The following SPATS2 variants were observed in gnomAD, a reference collection of about 807,000 sequenced individuals.
SPATS2 encodes spermatogenesis associated serine rich 2.
A neutral mutation model predicts 63.7 loss-of-function variants in SPATS2; 38 were observed. That is an observed-to-expected ratio of 0.60 (90% CI 0.46 to 0.78). The LOEUF (loss-of-function observed/expected upper bound fraction) is 0.78. Ranked by LOEUF, SPATS2 falls within the 30% of genes least tolerant of loss-of-function variation. SPATS2 has a pLI of 0.00. For missense variants in SPATS2, 588 were observed against 666.2 expected (o/e 0.88, Z 1.29); for synonymous variants, 207 against 232.9 (o/e 0.89, Z 1.01).
At chr12:49,392,943 T>G (rs1041362027) in intron 2 of SPATS2, among the ~76,000 whole-genome samples, 3 of 151,956 alleles carry the variant, frequency 2.0e-5, no homozygotes, top group African/African-American at 7.3e-5. Context: ...TCCCAGCTAC[T>G]TGGGAGGCTG....
chr12:49,461,085 TC>T, intron 3 of SPATS2, 48 bp downstream of exon 3: 1 of 1,582,104 alleles, frequency 6.3e-7, no homozygotes, highest in Non-Finnish European at 8.7e-7. Flanking sequence ...GTTATAATGA[TC>T]CCCATTTATA....
intron 2 of SPATS2, among the ~76,000 whole-genome samples, chr12:49,403,594 TACACACACACACACACACACACACAC>T (rs5798102): frequency 3.1e-5 from 4 of 128,418 alleles, no homozygotes; most frequent in East Asian, 4.5e-4. Flanking sequence ...TGCCACTGTC[TACACACACACACACACACACACACAC>T]ACACACACAC....
At chr12:49,520,503 T>C (rs770257273) in intron 11 of SPATS2, among the ~76,000 whole-genome samples, 2 of 152,158 alleles carry the variant, frequency 1.3e-5, no homozygotes, top group African/African-American at 2.4e-5. Context: ...GTTATGACTT[T>C]ATGTGCATTG....
At chr12:49,522,672 G>A in intron 11 of SPATS2, 79 bp from the exon 12 acceptor site, 1 of 1,149,144 alleles carries the variant, frequency 8.7e-7, no homozygotes, top group Non-Finnish European at 1.3e-6. Context: ...GAAAATGATT[G>A]TTTAATCTGT....
intron 2 of SPATS2, among the ~76,000 whole-genome samples, chr12:49,443,065 C>A (rs1945450788): frequency 6.6e-6 from 1 of 152,122 alleles, no homozygotes; most frequent in Non-Finnish European, 1.5e-5. Flanking sequence ...ATCCTTGTAG[C>A]ATGTGTCAGA....
At chr12:49,496,267 GTTGT>G (rs569456511) in intron 7 of SPATS2, among the ~76,000 whole-genome samples, 15 of 151,896 alleles carry the variant, frequency 9.9e-5, no homozygotes, top group Non-Finnish European at 1.3e-4. Context: ...CTAGAGCGTT[GTTGT>G]TTGTTTGTTT....
chr12:49,512,998 A>G, intron 9 of SPATS2: 1 of 1,085,668 alleles, frequency 9.2e-7, no homozygotes, highest in Non-Finnish European at 1.2e-6. Context: ...ATGTCAACCA[A>G]ATTTGTTTAG....
chr12:49,527,316 A>C lies in SPATS2; in HGVS notation c.*1061A>C, dbSNP rs567834234. ...TTTCCTGAACCCTATTCTGATCCTG[A>C]ACCAAATTTATAGCAATATAATTAG... On this transcript the variant is annotated 3_prime_UTR_variant, in exon 14 of 14. Transcript: ENST00000552918. The C allele has an allele frequency of 6.6e-6, 1 of 152,082 alleles. No homozygotes were observed. The highest frequency in any genetic ancestry group is 2.1e-4 in the South Asian group (1 of 4,814). The allele number at this position is 152,082 out of a possible 1,614,324, so 9.4% of individuals were successfully genotyped here.
intron 2 of SPATS2, among the ~76,000 whole-genome samples, chr12:49,448,329 C>T (rs1486883493): frequency 1.3e-5 from 2 of 151,446 alleles, no homozygotes; most frequent in South Asian, 2.1e-4. Flanking sequence ...TTAGTAGAAA[C>T]GGGGTTTCAC....
At chr12:49,500,032 CT>C (rs71812288) in intron 8 of SPATS2, 37 bp from the exon 9 acceptor site, 103,570 of 970,344 alleles carry the variant, frequency 0.11, 6 homozygotes, top group East Asian at 0.19. Context: ...TATAATTATT[CT>C]TTTTTTTTTT....
intron 4 of SPATS2, chr12:49,486,122 A>G: frequency 2.4e-6 from 1 of 413,626 alleles, no homozygotes; most frequent in Non-Finnish European, 4.8e-6. Flanking sequence ...GAGTACTATA[A>G]ATACTTGTAT....
intron 2 of SPATS2, among the ~76,000 whole-genome samples, chr12:49,437,055 G>A (rs972166725): frequency 1.3e-5 from 2 of 151,564 alleles, no homozygotes; most frequent in South Asian, 2.1e-4. Flanking sequence ...GGGTGGAGAC[G>A]CTCCTCACTT....
At chr12:49,412,621 C>G (rs1944816988) in intron 2 of SPATS2, among the ~76,000 whole-genome samples, 1 of 151,658 alleles carries the variant, frequency 6.6e-6, no homozygotes, top group African/African-American at 2.4e-5. Flanking sequence ...TGGCTCATTC[C>G]TGTAATCCCA....
At chr12:49,476,911 G>T (rs996313256) in intron 3 of SPATS2, among the ~76,000 whole-genome samples, 1 of 152,152 alleles carries the variant, frequency 6.6e-6, no homozygotes, top group Admixed American at 6.5e-5. Flanking sequence ...TTTGAAACCA[G>T]CCTGACCAAC....
intron 2 of SPATS2, among the ~76,000 whole-genome samples, chr12:49,381,068 TTG>T (rs1397592884): frequency 9.9e-5 from 15 of 152,260 alleles, no homozygotes; most frequent in African/African-American, 2.9e-4. Context: ...GTTGTTGTTG[TTG>T]TTTTTAATTT....
chr12:49,404,274 CTTT>C (rs56779212), intron 2 of SPATS2, among the ~76,000 whole-genome samples: 3 of 136,888 alleles, frequency 2.2e-5, no homozygotes, highest in Non-Finnish European at 3.2e-5. Context: ...GAGTTACAGA[CTTT>C]TTTTTTTTTT....
At chr12:49,510,276 A>G (rs1946729256) in intron 9 of SPATS2, among the ~76,000 whole-genome samples, 1 of 151,238 alleles carries the variant, frequency 6.6e-6, no homozygotes, top group Admixed American at 6.6e-5. Flanking sequence ...AAAAAAAAAA[A>G]ATCGTCCAGG....
intron 2 of SPATS2, among the ~76,000 whole-genome samples, chr12:49,433,130 C>G (rs1945214472): frequency 6.6e-6 from 1 of 152,080 alleles, no homozygotes; most frequent in Non-Finnish European, 1.5e-5. Flanking sequence ...AGCAGCCATC[C>G]TAGTGGGTTC....
intron 2 of SPATS2, among the ~76,000 whole-genome samples, chr12:49,418,997 C>T (rs1476406733): frequency 6.6e-6 from 1 of 152,136 alleles, no homozygotes; most frequent in African/African-American, 2.4e-5. Flanking sequence ...ACATTCTATA[C>T]CTTTTCATTT....
Sources: gnomAD v4.1 joint callset for allele counts (sites outside exome capture counted in the v4.1 genomes callset) on GRCh38, gnomAD v4.1.1 for gene constraint, MANE v1.5 for transcripts, NCBI Gene and HGNC (gene_info 2026-07-23, HGNC 2026-07-21) for gene names.